Variants in PRKG1 observed in about 807,000 individuals in gnomAD.
PRKG1 encodes cGMP-dependent protein kinase 1.
A neutral mutation model predicts 88.1 loss-of-function variants in PRKG1; 35 were observed. The ratio of observed to expected loss-of-function variants is 0.40; its 90% confidence interval spans 0.30 to 0.53. The LOEUF (loss-of-function observed/expected upper bound fraction) is 0.53, where lower values mean the gene tolerates loss of function less well. Ranked by LOEUF, PRKG1 falls within the 20% of genes least tolerant of loss-of-function variation. The pLI is 0.59. For synonymous variants in PRKG1, 303 were observed against 292.5 expected, an observed-to-expected ratio of 1.04 and a Z score of -0.37; for missense variants, 540 against 839.8, an observed-to-expected ratio of 0.64 and a Z score of 4.41.
At chr10:51,685,109 A>C (rs1468867465) in intron 3 of PRKG1, among the ~76,000 whole-genome samples, 3 of 152,188 alleles carry the variant, frequency 2.0e-5, no homozygotes, top group African/African-American at 7.2e-5. Context: ...TTCATCACTT[A>C]GTGAAAATGA....
chr10:52,078,500 T>C (rs1363816375), intron 7 of PRKG1, among the ~76,000 whole-genome samples: 5 of 152,210 alleles, frequency 3.3e-5, no homozygotes, highest in Admixed American at 3.3e-4. Context: ...ATGTGTACAC[T>C]ATTCCATACA....
chr10:51,588,057 G>A (rs947611619), intron 3 of PRKG1, among the ~76,000 whole-genome samples: 14 of 152,184 alleles, frequency 9.2e-5, no homozygotes, highest in African/African-American at 2.7e-4. Context: ...GATGCTGATC[G>A]AAGCAAGTGC....
At position 52,297,260 on chromosome 10, in the gene PRKG1, A is replaced by G. The variant is rs1190112020; in HGVS notation, c.*3360A>G. 6.6e-6 allele frequency: 1 copy of G among 152,148 alleles called. No individual in the cohort carries two copies. Among genetic ancestry groups the G allele is most frequent in the Non-Finnish European group, 1.5e-5 (1 of 68,030 alleles). The allele number at this position is 152,148 out of a possible 1,614,324, so 9.4% of individuals were successfully genotyped here. On this transcript the variant is annotated 3_prime_UTR_variant, in exon 18 of 18. Coordinates refer to ENST00000373980, the MANE Select transcript of PRKG1 (RefSeq NM_006258.4). ...GTCCAAGTAGACTTGAATTAATGTC[A>G]TAATTGTCAGTATTATTGAAAATTA...
At chr10:52,024,479 A>C (rs982853133) in intron 5 of PRKG1, among the ~76,000 whole-genome samples, 3 of 150,624 alleles carry the variant, frequency 2.0e-5, no homozygotes, top group Non-Finnish European at 3.0e-5. Context: ...TCCCTCCCCC[A>C]TTCCCCCACC....
At chr10:51,934,258 C>CA (rs1389182886) in intron 5 of PRKG1, among the ~76,000 whole-genome samples, 3 of 146,390 alleles carry the variant, frequency 2.0e-5, no homozygotes, top group Middle Eastern at 3.8e-3. Flanking sequence ...ACACATACCC[C>CA]CCCCCCAACA....
At chr10:51,478,844 A>T (rs1420817156) in intron 3 of PRKG1, among the ~76,000 whole-genome samples, 1 of 152,110 alleles carries the variant, frequency 6.6e-6, no homozygotes, top group African/African-American at 2.4e-5. Context: ...TTATTAAAAT[A>T]TCAAAAGTAG....
At chr10:51,970,394 T>A (rs559642158) in intron 5 of PRKG1, among the ~76,000 whole-genome samples, 4 of 151,726 alleles carry the variant, frequency 2.6e-5, no homozygotes, top group African/African-American at 7.2e-5. Flanking sequence ...CTACAACCTT[T>A]TTTTTTGTCT....
At chr10:51,611,906 A>G (rs916207575) in intron 3 of PRKG1, among the ~76,000 whole-genome samples, 5 of 151,878 alleles carry the variant, frequency 3.3e-5, no homozygotes. Context: ...CCTTTCCCCA[A>G]TGTGTGTTCT....
chr10:52,078,214 CT>C (rs1372077129), intron 7 of PRKG1, among the ~76,000 whole-genome samples: 1 of 152,166 alleles, frequency 6.6e-6, no homozygotes, highest in Admixed American at 6.5e-5. Flanking sequence ...AATTTGTTTA[CT>C]TTAAGTCTTT....
At chr10:51,112,640 T>C (rs1845005168) in intron 1 of PRKG1, among the ~76,000 whole-genome samples, 1 of 152,186 alleles carries the variant, frequency 6.6e-6, no homozygotes, top group African/African-American at 2.4e-5. Flanking sequence ...ATAGATGTGA[T>C]GATTAAAGTA....
chr10:51,708,482 A>T lies in PRKG1; in HGVS notation c.593-96103A>T, dbSNP rs187876019. ...TAATTGTTGGCATTCAGAATACTCT[A>T]TTCCCATCTCTTTCTCTCTCTCTCA... On this transcript the variant is annotated intron_variant, in intron 3 of 17. Transcript: ENST00000373980. Among the ~76,000 whole-genome samples the T allele has an allele frequency of 7.7e-3, 1,172 of 152,226 alleles. 24 individuals are homozygous for T. Among genetic ancestry groups the T allele is most frequent in the Admixed American group, 0.051 (782 of 15,278 alleles).
At chr10:51,202,922 A>G (rs1373279691) in intron 2 of PRKG1, among the ~76,000 whole-genome samples, 3 of 152,256 alleles carry the variant, frequency 2.0e-5, no homozygotes, top group Non-Finnish European at 4.4e-5. Context: ...CTGAAGATAT[A>G]TCTGGCTGAC....
At chr10:51,641,108 G>A (rs191178125) in intron 3 of PRKG1, among the ~76,000 whole-genome samples, 2 of 152,094 alleles carry the variant, frequency 1.3e-5, no homozygotes, top group Admixed American at 6.5e-5. Flanking sequence ...ACTGCAAAAT[G>A]AGTGAATTAA....
At chr10:52,185,348 A>T (rs1005755007) in intron 9 of PRKG1, among the ~76,000 whole-genome samples, 1 of 152,168 alleles carries the variant, frequency 6.6e-6, no homozygotes, top group Non-Finnish European at 1.5e-5. Context: ...TGGACTCCAC[A>T]TCCCACATCC....
chr10:52,166,912 CACACAT>C (rs1440735823), intron 9 of PRKG1, among the ~76,000 whole-genome samples: 24 of 129,418 alleles, frequency 1.9e-4, no homozygotes, highest in African/African-American at 6.1e-4. Flanking sequence ...CACACACACA[CACACAT>C]ATATATAAGC....
At chr10:50,997,563 A>G (rs1842849058) in intron 1 of PRKG1, among the ~76,000 whole-genome samples, 1 of 152,204 alleles carries the variant, frequency 6.6e-6, no homozygotes, top group African/African-American at 2.4e-5. Flanking sequence ...TAAGATTTTC[A>G]GGTGATTTCA....
chr10:51,760,768 G>A (rs1360364316), intron 3 of PRKG1, among the ~76,000 whole-genome samples: 1 of 152,040 alleles, frequency 6.6e-6, no homozygotes, highest in Non-Finnish European at 1.5e-5. Flanking sequence ...CACCTTGCCT[G>A]GCCAGAACTT....
At chr10:52,190,916 A>C (rs1432847411) in intron 9 of PRKG1, among the ~76,000 whole-genome samples, 6 of 152,166 alleles carry the variant, frequency 3.9e-5, no homozygotes, top group African/African-American at 1.4e-4. Flanking sequence ...TCCCAAATAC[A>C]TCCTTCTATA....
intron 3 of PRKG1, among the ~76,000 whole-genome samples, chr10:51,506,558 T>C (rs951600660): frequency 2.6e-5 from 4 of 152,148 alleles, no homozygotes; most frequent in Non-Finnish European, 5.9e-5. Flanking sequence ...AAAATGCTCA[T>C]CATCACTGGC....
Sources: allele counts gnomAD v4.1 joint callset (sites outside exome capture counted in the v4.1 genomes callset), GRCh38; gene constraint gnomAD v4.1.1; transcripts MANE v1.5; gene names NCBI Gene and HGNC (gene_info 2026-07-23, HGNC 2026-07-21).